The following AMPD1 variants were observed in gnomAD, a reference collection of about 807,000 sequenced individuals.
The protein encoded by AMPD1 is adenosine monophosphate deaminase 1, also known as AMP deaminase 1.
AMPD1 carries 74 observed loss-of-function variants against 82.9 expected under a neutral mutation model. The observed-to-expected ratio is 0.89, with a 90% CI of 0.74 to 1.08. The LOEUF is 1.08. Among genes scored for constraint, AMPD1 ranks in the 50% least tolerant of loss-of-function variants. The pLI is 0.00. For synonymous variants in AMPD1, 333 were observed against 320.5 expected (o/e 1.04, Z -0.42); for missense variants, 881 against 924.5 (o/e 0.95, Z 0.61).
intron 9 of AMPD1, 127 bp from the exon 10 acceptor site, chr1:114,677,641 C>T: frequency 7.7e-7 from 1 of 1,302,058 alleles, no homozygotes; most frequent in African/African-American, 1.5e-5. Context: ...TAATCAATCT[C>T]AAAACCACAC....
rs1657912945 is a variant in AMPD1 at position 114,674,078 on chromosome 1, G to A, written c.1805C>T (p.Pro602Leu). Residue 602 changes from proline to leucine, a missense_variant, in exon 14 of 16, where the codon CCC (proline) becomes CTC (leucine). Around this residue, in one of 2 missense-constraint regions of AMPD1, gnomAD observed 783 missense variants for 786.4 expected, o/e 1.00. Transcript: ENST00000520113. ...TAAGAAAAACAAGTACTGTAGCACG[G>A]GACTCTGAAAAAGAAAAGTAAAAAA... ...ISHGLNLKKS[P>L]VLQYLFFLAQ... 1 of 1,613,290 alleles carries A rather than the reference G, an allele frequency of 6.2e-7. No individual in the cohort carries two copies. The highest frequency in any genetic ancestry group is 1.3e-5 in the African/African-American group (1 of 74,878).
intron 9 of AMPD1, 108 bp from the exon 10 acceptor site, chr1:114,677,622 C>T: frequency 6.9e-7 from 1 of 1,458,004 alleles, no homozygotes; most frequent in Non-Finnish European, 9.5e-7. Flanking sequence ...TCTGAAAAGG[C>T]TAGGTCCTTA....
Position 114,674,845 on chromosome 1 carries a change from G to A in AMPD1, c.1707C>T (p.Phe569=). The change falls in exon 13 of 16, where the codon TTC becomes TTT. Residue 569 remains phenylalanine (F), a synonymous_variant. Transcript: ENST00000520113. ...CTCCAGCTTCTCCACAGTGAGGTCG[G>A]AACAGAAACGTATTCATGCCTCGTT... ...RKERGMNTFL[F]RPHCGEAGAL... is the part of the protein sequence containing the mutation. 1.2e-6 allele frequency: 2 copies of A among 1,614,088 alleles called. No individual in the cohort carries two copies. Among genetic ancestry groups the A allele is most frequent in the Non-Finnish European group, 1.7e-6 (2 of 1,179,980 alleles).
rs587779370 is a variant in AMPD1, at chr1:114,675,993, G to A, written c.1399C>T (p.Arg467Cys). The change falls in exon 11 of 16, where the codon CGT (arginine) becomes TGT (cysteine). Residue 467 changes from arginine (R) to cysteine (C), a missense_variant. Physicochemically the swap from Arg to Cys is radical, Grantham distance 180. This residue lies in a region of AMPD1 where 783 missense variants were observed against 786.4 expected (regional missense o/e 1.00). Coordinates refer to ENST00000520113, the MANE Select transcript of AMPD1 (RefSeq NM_000036.3). ...IQVPRIYDVFRSKNFLPHFGK... is the reference protein window; with the variant it reads ...IQVPRIYDVFCSKNFLPHFGK... ...AAATGTGGAAGGAAATTCTTGGAAC[G>A]GAACACATCACTAGAGGCAAGAATG... 3.5e-5 allele frequency: 56 copies of A among 1,613,796 alleles called. No individual in the cohort carries two copies. The East Asian group carries it at 4.2e-4, about 12-fold the overall frequency.
chr1:114,674,981 G>C (rs372386905), intron 12 of AMPD1, 109 bp from the exon 13 acceptor site: 1 of 1,425,786 alleles, frequency 7.0e-7, no homozygotes, highest in East Asian at 2.3e-5. Flanking sequence ...CCATCCAAAG[G>C]ATTCAGCAAA....
In AMPD1 at chr1:114,686,803, G is replaced by A. The variant is rs547487220; in HGVS notation, c.323C>T (p.Thr108Ile). Reference protein sequence around the residue: ...HIDEYISSSPTYQTVPDFQRV... With the variant: ...HIDEYISSSPIYQTVPDFQRV... ...CTGAAAATCAGGCACGGTCTGGTAG[G>A]TTGGAGATGAGGAAATGTATTCATC... is the stretch of plus-strand genomic sequence containing the variant. Residue 108 changes from threonine (T) to isoleucine (I), a missense_variant, in exon 4 of 16, where the codon ACC (threonine) becomes ATC (isoleucine). Physicochemically the swap from Thr to Ile is moderately conservative, Grantham distance 89. Around this residue, in one of 2 missense-constraint regions of AMPD1, gnomAD observed 783 missense variants for 786.4 expected, o/e 1.00. Coordinates refer to ENST00000520113, the MANE Select transcript of AMPD1 (RefSeq NM_000036.3). The A allele has an allele frequency of 1.0e-4, 165 of 1,614,158 alleles. No homozygotes were observed. The South Asian group carries it at 1.7e-3, about 16-fold the overall frequency.
chr1:114,690,519 A>G (rs1290122234), intron 2 of AMPD1, among the ~76,000 whole-genome samples: 1 of 152,194 alleles, frequency 6.6e-6, no homozygotes, highest in Admixed American at 6.5e-5. Context: ...CTGGTTTGTT[A>G]CAGCAAAGTT....
Position 114,692,263 on chromosome 1 carries a change from G to A in AMPD1, c.34+1173C>T, listed in dbSNP as rs181555879. Among the ~76,000 whole-genome samples, 7 of 152,308 alleles carry A rather than the reference G, an allele frequency of 4.6e-5. No individual in the cohort carries two copies. In the East Asian group the frequency reaches 1.4e-3, roughly 29 times the overall value. ...ATTAATGTGTAGGAAAGACAAGGTTGTAGGCCTTCGTCTGCCACATTTCAT... is the reference window on the plus strand; with the variant it reads ...ATTAATGTGTAGGAAAGACAAGGTTATAGGCCTTCGTCTGCCACATTTCAT... On this transcript the variant is annotated intron_variant, in intron 2 of 15. Coordinates refer to ENST00000520113, the MANE Select transcript of AMPD1 (RefSeq NM_000036.3).
At position 114,675,520 on chromosome 1, in the gene AMPD1, T is replaced by C; in HGVS notation, c.1679+10A>G. The stretch of plus-strand genomic sequence containing the variant: ...ATAGACCCTCCTAGCTCCAGCTGTC[T>C]CCTACTTACTTTCTCAGGCTGTTGA... On this transcript the variant is annotated intron_variant, in intron 12 of 15. Transcript: ENST00000520113. 6.2e-7 allele frequency: 1 copy of C among 1,613,850 alleles called. No homozygotes were observed. The highest frequency in any genetic ancestry group is 8.5e-7 in the Non-Finnish European group (1 of 1,179,758).
intron 9 of AMPD1, 63 bp downstream of exon 9, chr1:114,677,847 T>TTCCTTCCTTCCTTCCA (rs1658044946): frequency 4.4e-6 from 6 of 1,363,398 alleles, no homozygotes; most frequent in Non-Finnish European, 5.9e-6. Flanking sequence ...CCTTCCTTCC[T>TTCCTTCCTTCCTTCCA]TCCTTCTTCC....
rs1252163547 is a variant in AMPD1 at position 114,673,137 on chromosome 1, C to G, written c.2221G>C (p.Glu741Gln). 1 of 1,614,006 alleles carries G rather than the reference C, an allele frequency of 6.2e-7. No individual in the cohort carries two copies. Residue 741 changes from glutamate to glutamine, a missense_variant, in exon 16 of 16, where the codon GAG (glutamate) becomes CAG (glutamine). By Grantham distance (29) the Glu-to-Gln change is conservative (BLOSUM62 2). This residue lies in a region of AMPD1 where 98 missense variants were observed against 138.1 expected (regional missense o/e 0.71). Transcript: ENST00000520113. Reference sequence around the variant, plus strand: ...TTTTATTCTGTTGATTTAAGACCCTCAGCAATTAAATTGAGTTCATAACAC... The same window carrying G: ...TTTTATTCTGTTGATTTAAGACCCTGAGCAATTAAATTGAGTTCATAACAC... The part of the protein sequence containing the change: ...TWCYELNLIA[E>Q]GLKSTE
intron 1 of AMPD1, among the ~76,000 whole-genome samples, chr1:114,694,488 A>G (rs1658619624): frequency 6.6e-6 from 1 of 151,900 alleles, no homozygotes; most frequent in Non-Finnish European, 1.5e-5. Context: ...ATTGAAAAGA[A>G]AAAAAAACAC....
chr1:114,678,468 A>C lies in AMPD1; in HGVS notation c.957T>G (p.Ile319Met). The C allele has an allele frequency of 6.2e-7, 1 of 1,614,184 alleles. No homozygotes were observed. Among genetic ancestry groups the C allele is most frequent in the Non-Finnish European group, 8.5e-7 (1 of 1,180,040 alleles). The change falls in exon 8 of 16, where the codon ATT becomes ATG. Residue 319 changes from isoleucine to methionine, a missense_variant. Coordinates refer to ENST00000520113, the MANE Select transcript of AMPD1 (RefSeq NM_000036.3). ...CAGCATCAATTTGGTAAGATTTCTTAATAAAACGCAGCAGATGTTTCTGGT... is the reference window on the plus strand; with the variant it reads ...CAGCATCAATTTGGTAAGATTTCTTCATAAAACGCAGCAGATGTTTCTGGT... ...CMNQKHLLRF[I>M]KKSYQIDADR...
intron 4 of AMPD1, among the ~76,000 whole-genome samples, chr1:114,686,477 A>G (rs1019900371): frequency 1.9e-4 from 29 of 152,304 alleles, no homozygotes; most frequent in African/African-American, 5.5e-4. Context: ...AAATCTGTCC[A>G]TTGTATTCTG....
In AMPD1 at chr1:114,680,312, G is replaced by T; in HGVS notation, c.714C>A (p.Asp238Glu). The T allele has an allele frequency of 6.2e-7, 1 of 1,614,150 alleles. No homozygotes were observed. Among genetic ancestry groups the T allele is most frequent in the Non-Finnish European group, 8.5e-7 (1 of 1,180,026 alleles). ...AAAAATTCATATCGTCTAAGAAGGT[G>T]TCCAGATTTGGGTAAGGAAGTGGCT... ...EPKPLPYPNL[D>E]TFLDDMNFLL... Residue 238 changes from aspartate to glutamate, a missense_variant, in exon 6 of 16, where the codon GAC becomes GAA. Asp to Glu is a conservative substitution (Grantham distance 45). Around this residue, in one of 2 missense-constraint regions of AMPD1, gnomAD observed 783 missense variants for 786.4 expected, o/e 1.00. Transcript: ENST00000520113.
At chr1:114,675,466 G>A in intron 12 of AMPD1, 64 bp downstream of exon 12, 1 of 1,556,008 alleles carries the variant, frequency 6.4e-7, no homozygotes, top group Admixed American at 1.7e-5. Context: ...CACCTTAATT[G>A]CCAATATATG....
At position 114,680,479 on chromosome 1, in the gene AMPD1, C is replaced by T; in HGVS notation, c.548-1G>A. The stretch of plus-strand genomic sequence containing the variant: ...CCCTTCTTCACAGGAGGAGTAAAGA[C>T]TTTTTCAATCAAACACAGAGTAATA... On this transcript the variant is annotated splice_acceptor_variant, in intron 5 of 15. Transcript: ENST00000520113. LOFTEE classifies it high-confidence loss of function. The T allele has an allele frequency of 6.2e-7, 1 of 1,613,616 alleles. No homozygotes were observed.
rs1229831696 is a variant in AMPD1 at position 114,686,862 on chromosome 1, T to A, written c.264A>T (p.Leu88=). Residue 88 remains leucine (L), a synonymous_variant, in exon 4 of 16, where the codon CTA becomes CTT. Transcript: ENST00000520113. ...ACAGTTTGGTGGAAGATGTTTCACT[T>A]AGTGGAATGGACAAATTAACAGTCT... ...GRKTVNLSIP[L]SETSSTKLSH... 2.7e-5 allele frequency: 43 copies of A among 1,614,076 alleles called. No homozygotes were observed. Among genetic ancestry groups the A allele is most frequent in the Non-Finnish European group, 3.6e-5 (42 of 1,180,020 alleles).
intron 3 of AMPD1, among the ~76,000 whole-genome samples, chr1:114,687,809 G>T (rs1487960948): frequency 6.6e-6 from 1 of 152,182 alleles, no homozygotes; most frequent in Non-Finnish European, 1.5e-5. Context: ...CTAAGGCCAG[G>T]AGGTGGTCAG....
Sources: gnomAD v4.1 joint callset for allele counts (sites outside exome capture counted in the v4.1 genomes callset) on GRCh38, gnomAD v4.1.1 for gene constraint, gnomAD v4.1.1 regional missense constraint, MANE v1.5 for transcripts, NCBI Gene and HGNC (gene_info 2026-07-23, HGNC 2026-07-21) for gene names.